Variants in INTS7 observed in about 807,000 individuals in gnomAD.
INTS7 encodes integrator complex subunit 7.
INTS7 carries 46 observed loss-of-function variants against 109.2 expected under a neutral mutation model. That is an observed-to-expected ratio of 0.42 (90% confidence interval 0.33 to 0.54). INTS7 has a LOEUF of 0.54. INTS7 is among the 20% of genes least tolerant of loss of function. The probability of loss-of-function intolerance (pLI) is 0.07; values close to 1 mark genes in which losing one functional copy is unlikely to be tolerated. For synonymous variants in INTS7, 412 were observed against 402.9 expected, an observed-to-expected ratio of 1.02 and a Z score of -0.27; for missense variants, 929 against 1,132.4, an observed-to-expected ratio of 0.82 and a Z score of 2.58.
chr1:211,940,803 C>T lies in INTS7; in HGVS notation c.*1021G>A, dbSNP rs577974977. ...CAATCACCAACCAAAGGAAAAGATCCACCCCTTCTAACTTAAAACATTGAA... is the reference window on the plus strand; with the variant it reads ...CAATCACCAACCAAAGGAAAAGATCTACCCCTTCTAACTTAAAACATTGAA... On this transcript the variant is annotated 3_prime_UTR_variant, in exon 20 of 20. Transcript: ENST00000366994. 4 of 152,158 alleles carry T rather than the reference C, an allele frequency of 2.6e-5. No homozygotes were observed. The highest frequency in any genetic ancestry group is 5.9e-5 in the Non-Finnish European group (4 of 68,032). The allele number at this position is 152,158 out of a possible 1,614,324, so 9.4% of individuals were successfully genotyped here.
At chr1:211,948,526 T>TA (rs1285880147) in intron 17 of INTS7, among the ~76,000 whole-genome samples, 5 of 152,180 alleles carry the variant, frequency 3.3e-5, no homozygotes, top group African/African-American at 1.2e-4. Flanking sequence ...TTTTGCCTTT[T>TA]AAAAGAATGG....
chr1:211,978,397 T>C lies in INTS7; in HGVS notation c.1345A>G (p.Met449Val). The change falls in exon 11 of 20, where the codon ATG (methionine) becomes GTG (valine). Residue 449 changes from methionine (M) to valine (V), a missense_variant. Physicochemically the swap from Met to Val is conservative, Grantham distance 21. This residue lies in a region of INTS7 where 787 missense variants were observed against 901.1 expected (regional missense o/e 0.87). Transcript: ENST00000366994. ...GCAATGGCTGCCAGGCAATGGCACA[T>C]CAAAATCCGGGCAGCGTCTTGAGCA... Reference protein sequence around the residue: ...HSAQDAARILMCHCLAAIAMQ... With the variant: ...HSAQDAARILVCHCLAAIAMQ... 1.2e-6 allele frequency: 2 copies of C among 1,614,160 alleles called. No individual in the cohort carries two copies. Among genetic ancestry groups the C allele is most frequent in the Non-Finnish European group, 8.5e-7 (1 of 1,180,028 alleles).
At chr1:211,977,129 A>G (rs1005564587) in intron 11 of INTS7, among the ~76,000 whole-genome samples, 1 of 152,220 alleles carries the variant, frequency 6.6e-6, no homozygotes, top group Non-Finnish European at 1.5e-5. Context: ...TTACTTAGGG[A>G]TATACACTTT....
intron 16 of INTS7, among the ~76,000 whole-genome samples, chr1:211,962,260 T>TAA (rs35134976): frequency 7.1e-4 from 56 of 79,330 alleles, no homozygotes; most frequent in Admixed American, 2.4e-3. Flanking sequence ...CAACAAAGAT[T>TAA]AAAAAAAAAA....
chr1:212,032,090 A>G (rs113054038), intron 1 of INTS7, among the ~76,000 whole-genome samples: 3 of 152,338 alleles, frequency 2.0e-5, no homozygotes, highest in African/African-American at 7.2e-5. Flanking sequence ...TCCTCCCAGT[A>G]GCTCATACCA....
In INTS7 at chr1:211,982,791, G is replaced by A. The variant is rs769358545; in HGVS notation, c.1017C>T (p.Pro339=). Residue 339 remains proline, a synonymous_variant, in exon 9 of 20, where the codon CCC becomes CCT. Coordinates refer to ENST00000366994, the MANE Select transcript of INTS7 (RefSeq NM_015434.4). Reference sequence around the variant, plus strand: ...CTAATTTGACTAAATCAGAAGATCTGGGAGAAGAACTCACATTTCCTAAAA... The same window carrying A: ...CTAATTTGACTAAATCAGAAGATCTAGGAGAAGAACTCACATTTCCTAAAA... ...SIVPGNVSSS[P]RSSDLVKLAQ... is the part of the protein sequence containing the mutation. 22 of 1,607,152 alleles carry A rather than the reference G, an allele frequency of 1.4e-5. No homozygotes were observed. Among genetic ancestry groups the A allele is most frequent in the Non-Finnish European group, 1.9e-5 (22 of 1,176,662 alleles).
chr1:212,001,134 T>G (rs554832969), intron 7 of INTS7, among the ~76,000 whole-genome samples: 1 of 150,324 alleles, frequency 6.7e-6, no homozygotes, highest in South Asian at 2.1e-4. Flanking sequence ...TGGCGCGATC[T>G]AGGCTCACCG....
At chr1:211,996,533 C>T (rs1665399229) in intron 7 of INTS7, among the ~76,000 whole-genome samples, 1 of 151,992 alleles carries the variant, frequency 6.6e-6, no homozygotes, top group Non-Finnish European at 1.5e-5. Flanking sequence ...CAAAAAGCAA[C>T]AACAAAAATT....
At position 211,975,180 on chromosome 1, in the gene INTS7, TC is replaced by T. The variant is rs774517247; in HGVS notation, c.1800del (p.Ile601LeufsTer4). 3 of 1,611,186 alleles carry T rather than the reference TC, an allele frequency of 1.9e-6. No individual in the cohort carries two copies. The African/African-American group carries it at 4.0e-5, about 22-fold the overall frequency. On this transcript the variant is annotated frameshift_variant, in exon 13 of 20. Transcript: ENST00000366994. LOFTEE classifies it high-confidence loss of function. ...AGAGGACTTACTGTTAAGGAAGCAA[TC>T]CCTTTGTGATAGAATTTTAAAGATT... ...IAESLKFYHK[G>X]IASLTAASTP...
chr1:211,978,347 A>G lies in INTS7; in HGVS notation c.1395T>C (p.Asp465=). 1.2e-6 allele frequency: 2 copies of G among 1,614,126 alleles called. No homozygotes were observed. The highest frequency in any genetic ancestry group is 1.7e-6 in the Non-Finnish European group (2 of 1,180,004). Residue 465 remains aspartate (D), a synonymous_variant, in exon 11 of 20, where the codon GAT becomes GAC. Transcript: ENST00000366994. ...AIAMQLPVLG[D]GMLGDLMELY... The stretch of plus-strand genomic sequence containing the variant: ...GCTCCATGAGGTCACCAAGCATCCC[A>G]TCACCCAGCACCGGCAGTTGCATGG...
At position 212,011,412 on chromosome 1, in the gene INTS7, A is replaced by G; in HGVS notation, c.519T>C (p.Ala173=). 1.3e-6 allele frequency: 2 copies of G among 1,581,318 alleles called. No individual in the cohort carries two copies. The highest frequency in any genetic ancestry group is 1.7e-6 in the Non-Finnish European group (2 of 1,155,158). Residue 173 remains alanine, a synonymous_variant, in exon 5 of 20, where the codon GCT becomes GCC. Transcript: ENST00000366994. ...ANFSAQSKDF[A]VGICNKISEM... ...CACTGATTTTGTTACAGATTCCTACAGCAAAATCCCTTTGGAAAAAGAGAA... is the reference window on the plus strand; with the variant it reads ...CACTGATTTTGTTACAGATTCCTACGGCAAAATCCCTTTGGAAAAAGAGAA...
At chr1:212,020,781 C>A (rs941542154) in intron 2 of INTS7, 12 of 989,526 alleles carry the variant, frequency 1.2e-5, no homozygotes, top group Non-Finnish European at 3.7e-6. Flanking sequence ...TAAATTAAAT[C>A]AGAAACTTCT....
intron 17 of INTS7, among the ~76,000 whole-genome samples, chr1:211,948,347 T>C (rs1469770101): frequency 6.6e-6 from 1 of 152,242 alleles, no homozygotes; most frequent in Admixed American, 6.5e-5. Context: ...ACTGTTAAAA[T>C]AGCATTAATC....
At chr1:211,974,227 C>A (rs1484172064) in intron 13 of INTS7, among the ~76,000 whole-genome samples, 2 of 140,576 alleles carry the variant, frequency 1.4e-5, no homozygotes, top group African/African-American at 2.6e-5. Flanking sequence ...TTTTCTGAGG[C>A]ATTTATTAGC....
chr1:212,024,393 A>C (rs2102496158), intron 1 of INTS7, among the ~76,000 whole-genome samples: 1 of 152,270 alleles, frequency 6.6e-6, no homozygotes, highest in African/African-American at 2.4e-5. Context: ...AGTGTTTTGT[A>C]GTTCTCGTTG....
chr1:212,029,297 TGG>T (rs1305789104), intron 1 of INTS7, among the ~76,000 whole-genome samples: 2 of 152,316 alleles, frequency 1.3e-5, no homozygotes, highest in East Asian at 3.9e-4. Context: ...CCCAACCAAC[TGG>T]ATGGAAGAAC....
chr1:211,966,554 C>G, intron 15 of INTS7, 56 bp from the exon 16 acceptor site: 1 of 1,049,702 alleles, frequency 9.5e-7, no homozygotes, highest in South Asian at 1.4e-5. Flanking sequence ...CTATAGGTTT[C>G]TATTACTTGA....
chr1:211,949,433 C>A (rs1662991815), intron 17 of INTS7, among the ~76,000 whole-genome samples: 1 of 152,192 alleles, frequency 6.6e-6, no homozygotes. Flanking sequence ...AGTTGTGTAA[C>A]TGATCATTCA....
intron 3 of INTS7, among the ~76,000 whole-genome samples, chr1:212,017,829 T>A (rs1666507321): frequency 6.6e-6 from 1 of 152,240 alleles, no homozygotes; most frequent in South Asian, 2.1e-4. Context: ...AAAGTAGTAC[T>A]GTTCCTAGTA....
Sources: allele counts gnomAD v4.1 joint callset (sites outside exome capture counted in the v4.1 genomes callset), GRCh38; gene constraint gnomAD v4.1.1; regional missense constraint gnomAD v4.1.1; transcripts MANE v1.5; gene names NCBI Gene and HGNC (gene_info 2026-07-23, HGNC 2026-07-21).